SGCZ: variants seen among roughly 807,000 people sequenced by gnomAD.
SGCZ encodes zeta-sarcoglycan.
Under a neutral mutation model 41.3 loss-of-function variants are expected in SGCZ, and 40 were observed. The observed-to-expected ratio is 0.97, with a 90% CI of 0.75 to 1.26. The LOEUF (loss-of-function observed/expected upper bound fraction) is 1.26, where lower values mean the gene tolerates loss of function less well. SGCZ is among the 50% of genes most tolerant of loss of function. SGCZ has a pLI of 0.00. For synonymous variants in SGCZ, 206 were observed against 137.5 expected (o/e 1.50, Z -3.49); for missense variants, 552 against 369.8 (o/e 1.49, Z -4.04).
intron 3 of SGCZ, among the ~76,000 whole-genome samples, chr8:14,249,062 T>C (rs934177686): frequency 6.6e-5 from 10 of 152,146 alleles, no homozygotes; most frequent in Admixed American, 3.9e-4. Flanking sequence ...TGGTGAAACA[T>C]TATTTTGAGT....
chr8:14,838,375 C>G (rs1433676856), intron 1 of SGCZ, among the ~76,000 whole-genome samples: 1 of 152,136 alleles, frequency 6.6e-6, no homozygotes, highest in Non-Finnish European at 1.5e-5. Flanking sequence ...TCAGAGATAG[C>G]AGAAGACTCA....
intron 3 of SGCZ, among the ~76,000 whole-genome samples, chr8:14,289,218 A>ATT (rs71209038): frequency 0.47 from 70,310 of 149,384 alleles, 16,812 homozygotes; most frequent in Non-Finnish European, 0.5. Flanking sequence ...ACATAGTAGG[A>ATT]TTTTTTTTTT....
intron 3 of SGCZ, among the ~76,000 whole-genome samples, chr8:14,256,354 C>T (rs1017175285): frequency 2.0e-5 from 3 of 151,544 alleles, no homozygotes; most frequent in African/African-American, 4.9e-5. Flanking sequence ...AGAAAAAGTG[C>T]ACTTTAACAC....
chr8:14,486,842 G>T (rs2117017943), intron 2 of SGCZ, among the ~76,000 whole-genome samples: 1 of 152,342 alleles, frequency 6.6e-6, no homozygotes, highest in South Asian at 2.1e-4. Flanking sequence ...ACGTTTTAAA[G>T]TTAATTATTA....
intron 3 of SGCZ, among the ~76,000 whole-genome samples, chr8:14,275,287 G>A (rs1450066617): frequency 6.6e-6 from 1 of 152,122 alleles, no homozygotes; most frequent in Non-Finnish European, 1.5e-5. Context: ...TCTCTCAGTA[G>A]GATGACTTCT....
rs370502472 is a variant in SGCZ, at chr8:14,754,879, AC to A, written c.40-199954del. 4.4e-3 allele frequency among the ~76,000 whole-genome samples: 663 copies of A among 152,012 alleles called. 1 individual carries two copies. Among genetic ancestry groups the A allele is most frequent in the East Asian group, 0.01 (53 of 5,148 alleles). ...TGGGACTATAGGTGTGCACCACCAC[AC>A]CCAGCTTATTATTTTTTCTTTCTAT... is the stretch of plus-strand genomic sequence containing the variant. On this transcript the variant is annotated intron_variant, in intron 1 of 7. Coordinates refer to ENST00000382080, the MANE Select transcript of SGCZ (RefSeq NM_139167.4).
intron 1 of SGCZ, among the ~76,000 whole-genome samples, chr8:14,785,936 G>A (rs1339798252): frequency 6.8e-6 from 1 of 147,196 alleles, no homozygotes; most frequent in Non-Finnish European, 1.5e-5. Context: ...CCAGAATCCA[G>A]TTCTCATTTA....
intron 1 of SGCZ, among the ~76,000 whole-genome samples, chr8:15,096,555 T>C (rs1431440079): frequency 2.0e-5 from 3 of 152,338 alleles, no homozygotes; most frequent in South Asian, 4.1e-4. Flanking sequence ...CATGTAATGC[T>C]TCCACCTATG....
At chr8:14,267,050 C>T (rs1313861569) in intron 3 of SGCZ, among the ~76,000 whole-genome samples, 1 of 152,084 alleles carries the variant, frequency 6.6e-6, no homozygotes, top group African/African-American at 2.4e-5. Flanking sequence ...CAGGGTTTCA[C>T]TTTGTCTTAT....
intron 1 of SGCZ, among the ~76,000 whole-genome samples, chr8:15,186,740 C>G (rs1312299918): frequency 2.6e-5 from 4 of 152,088 alleles, no homozygotes; most frequent in African/African-American, 9.7e-5. Context: ...TAGCTGATTT[C>G]AATCAGAAAT....
At chr8:14,543,315 T>G (rs1803526540) in intron 2 of SGCZ, among the ~76,000 whole-genome samples, 1 of 152,190 alleles carries the variant, frequency 6.6e-6, no homozygotes, top group African/African-American at 2.4e-5. Flanking sequence ...TCTAATCTAT[T>G]ATTTAACTTT....
intron 2 of SGCZ, among the ~76,000 whole-genome samples, chr8:14,337,166 G>C (rs1244748492): frequency 1.3e-5 from 2 of 152,120 alleles, no homozygotes; most frequent in African/African-American, 4.8e-5. Context: ...CTCCCCAGCT[G>C]ATTGATGGAA....
intron 1 of SGCZ, among the ~76,000 whole-genome samples, chr8:14,860,575 GAAAA>G (rs1477619306): frequency 1.5e-5 from 2 of 131,692 alleles, no homozygotes; most frequent in African/African-American, 2.8e-5. Context: ...AGAAAGAAAA[GAAAA>G]AGAAAGAAAG....
chr8:14,223,600 T>C (rs979089876), intron 4 of SGCZ, among the ~76,000 whole-genome samples: 2 of 152,112 alleles, frequency 1.3e-5, no homozygotes, highest in African/African-American at 2.4e-5. Context: ...AATATAAAAC[T>C]TCAATGTCCT....
chr8:14,387,559 G>C (rs891695385), intron 2 of SGCZ, among the ~76,000 whole-genome samples: 20 of 151,912 alleles, frequency 1.3e-4, no homozygotes, highest in Non-Finnish European at 2.9e-5. Flanking sequence ...TTATTATTCT[G>C]CTTTTAAGGT....
At chr8:14,485,616 C>T (rs545160311) in intron 2 of SGCZ, among the ~76,000 whole-genome samples, 58 of 152,206 alleles carry the variant, frequency 3.8e-4, no homozygotes, top group Non-Finnish European at 7.4e-4. Context: ...GATTCTCCCT[C>T]GGTTTCCTCT....
intron 1 of SGCZ, among the ~76,000 whole-genome samples, chr8:15,023,858 G>C (rs536962988): frequency 6.6e-6 from 1 of 152,228 alleles, no homozygotes; most frequent in Admixed American, 6.5e-5. Flanking sequence ...AAGTTAACCT[G>C]ACTGACTTCT....
At chr8:14,110,856 C>A (rs1802350170) in intron 5 of SGCZ, among the ~76,000 whole-genome samples, 1 of 152,058 alleles carries the variant, frequency 6.6e-6, no homozygotes, top group South Asian at 2.1e-4. Context: ...AGTTCCAGAT[C>A]AGCCTGTCCA....
At chr8:14,727,604 G>T (rs764695827) in intron 1 of SGCZ, among the ~76,000 whole-genome samples, 1 of 150,858 alleles carries the variant, frequency 6.6e-6, no homozygotes, top group African/African-American at 2.4e-5. Flanking sequence ...TCCGCCTCCC[G>T]GATTCACGCC....
Sources: allele counts gnomAD v4.1 joint callset (sites outside exome capture counted in the v4.1 genomes callset), GRCh38; gene constraint gnomAD v4.1.1; transcripts MANE v1.5; gene names NCBI Gene and HGNC (gene_info 2026-07-23, HGNC 2026-07-21).